PPFIA2: variants seen among roughly 807,000 people sequenced by gnomAD.
PPFIA2 encodes liprin-alpha-2.
In PPFIA2, 46 loss-of-function variants were observed where a neutral mutation model predicts 175.5. The observed-to-expected ratio is 0.26, with a 90% CI of 0.21 to 0.34. The LOEUF (loss-of-function observed/expected upper bound fraction) is 0.34. PPFIA2 is among the 10% of genes least tolerant of loss of function. The pLI is 1.00. For missense variants in PPFIA2, 1,179 were observed against 1,506.1 expected (o/e 0.78, Z 3.60); for synonymous variants, 568 against 511.4 (o/e 1.11, Z -1.49).
chr12:81,355,198 T>G (rs2060699127), intron 16 of PPFIA2, among the ~76,000 whole-genome samples: 1 of 152,202 alleles, frequency 6.6e-6, no homozygotes, highest in African/African-American at 2.4e-5. Flanking sequence ...TTTGAGCATC[T>G]CTGTCAGAGC....
intron 3 of PPFIA2, among the ~76,000 whole-genome samples, chr12:81,729,333 G>A (rs1343934): frequency 0.18 from 26,959 of 151,306 alleles, 2,900 homozygotes; most frequent in Middle Eastern, 0.31. Flanking sequence ...TCAAGAAATC[G>A]GGATTTATTT....
Position 81,598,163 on chromosome 12 carries a change from C to T in PPFIA2, c.303+78628G>A, listed in dbSNP as rs2059444931. The T allele has an allele frequency of 3.5e-6, 5 of 1,439,324 alleles. No homozygotes were observed. In the Admixed American group the frequency reaches 1.3e-4, roughly 38 times the overall value. 89.2% of individuals were successfully genotyped at this position (1,439,324 alleles called of 1,614,324 possible). A position where few individuals can be genotyped will look rare whatever the true frequency, so the allele number is the denominator to read the frequency against. ...AATGAAATCTGCCCCATCCTTCTTA[C>T]ATACACAGTGATAGCATTTTGAATT... On this transcript the variant is annotated intron_variant, in intron 4 of 32. Coordinates refer to ENST00000549396, the MANE Select transcript of PPFIA2 (RefSeq NM_003625.5).
At chr12:81,657,910 A>T (rs2068045248) in intron 4 of PPFIA2, among the ~76,000 whole-genome samples, 1 of 152,198 alleles carries the variant, frequency 6.6e-6, no homozygotes, top group Admixed American at 6.5e-5. Context: ...GATTATTTCC[A>T]TATAATGCAA....
chr12:81,414,325 T>C (rs1403063), intron 7 of PPFIA2, among the ~76,000 whole-genome samples: 24,307 of 151,590 alleles, frequency 0.16, 2,701 homozygotes, highest in East Asian at 0.42. Flanking sequence ...ATTTAGAAGA[T>C]GTCTTCAAAA....
chr12:81,535,450 G>A (rs1042742833), intron 4 of PPFIA2: 42 of 455,352 alleles, frequency 9.2e-5, no homozygotes, highest in East Asian at 6.3e-4. Context: ...AGGTCATGAT[G>A]CTCAATATCC....
intron 3 of PPFIA2, among the ~76,000 whole-genome samples, chr12:81,688,531 C>T (rs2153584025): frequency 6.6e-6 from 1 of 151,382 alleles, no homozygotes; most frequent in African/African-American, 2.4e-5. Context: ...AAATATAATA[C>T]CACATAATTT....
intron 4 of PPFIA2, among the ~76,000 whole-genome samples, chr12:81,659,658 A>G (rs2068451749): frequency 6.6e-6 from 1 of 152,136 alleles, no homozygotes. Flanking sequence ...AAGGCAGCAG[A>G]AACCTCTGCA....
intron 4 of PPFIA2, among the ~76,000 whole-genome samples, chr12:81,621,910 G>T (rs1397521308): frequency 1.3e-5 from 2 of 152,046 alleles, no homozygotes; most frequent in African/African-American, 4.8e-5. Flanking sequence ...ATATAAATTT[G>T]GGAATCCTCA....
Position 81,646,316 on chromosome 12 carries a change from C to T in PPFIA2, c.303+30475G>A, listed in dbSNP as rs191731537. Reference sequence around the variant, plus strand: ...GCTGTCTTGAAGGAGGGCTAGAAAACTTGATTGCACCCTAGACCCTCTAGA... The same window carrying T: ...GCTGTCTTGAAGGAGGGCTAGAAAATTTGATTGCACCCTAGACCCTCTAGA... On this transcript the variant is annotated intron_variant, in intron 4 of 32. Transcript: ENST00000549396. Among the ~76,000 whole-genome samples, 638 of 152,210 alleles carry T rather than the reference C, an allele frequency of 4.2e-3. 17 individuals carry two copies. The highest frequency in any genetic ancestry group is 0.038 in the Admixed American group (581 of 15,294).
intron 4 of PPFIA2, among the ~76,000 whole-genome samples, chr12:81,579,400 C>T (rs1414024829): frequency 6.6e-6 from 1 of 151,660 alleles, no homozygotes; most frequent in East Asian, 1.9e-4. Flanking sequence ...TCATTTTAAA[C>T]AGATTCTCAG....
At chr12:81,529,545 G>C (rs991750014) in intron 4 of PPFIA2, among the ~76,000 whole-genome samples, 1 of 136,682 alleles carries the variant, frequency 7.3e-6, no homozygotes, top group Non-Finnish European at 1.6e-5. Flanking sequence ...AAAGAGTGGC[G>C]GGGGGGCAGT....
At chr12:81,336,400 C>T (rs1050157111) in intron 21 of PPFIA2, among the ~76,000 whole-genome samples, 12 of 152,072 alleles carry the variant, frequency 7.9e-5, no homozygotes, top group African/African-American at 2.9e-4. Context: ...GAGTTTGATT[C>T]TTCATGGGTA....
chr12:81,644,518 T>C (rs2065790052), intron 4 of PPFIA2, among the ~76,000 whole-genome samples: 1 of 152,086 alleles, frequency 6.6e-6, no homozygotes, highest in African/African-American at 2.4e-5. Context: ...CAGACTTGTA[T>C]TGAGTCATAA....
chr12:81,613,288 T>G (rs1171439880), intron 4 of PPFIA2, among the ~76,000 whole-genome samples: 1 of 152,124 alleles, frequency 6.6e-6, no homozygotes, highest in African/African-American at 2.4e-5. Context: ...ACCATGACTT[T>G]TATAAACACA....
chr12:81,497,617 G>C (rs920394069), intron 4 of PPFIA2, among the ~76,000 whole-genome samples: 1 of 136,906 alleles, frequency 7.3e-6, no homozygotes, highest in African/African-American at 2.8e-5. Flanking sequence ...TCGGCTCACT[G>C]CCACTGCAGC....
In PPFIA2 at chr12:81,331,967, G is replaced by A. The variant is rs79826690; in HGVS notation, c.2549-6097C>T. Among the ~76,000 whole-genome samples, 231 of 152,214 alleles carry A rather than the reference G, an allele frequency of 1.5e-3. 3 individuals are homozygous for A. The East Asian group carries it at 0.028, about 18-fold the overall frequency. ...GACTCAAAAGAGTTGGTGTTTCTCAGGTGGCAAACAAATCAGTATGTTAAG... is the reference window on the plus strand; with the variant it reads ...GACTCAAAAGAGTTGGTGTTTCTCAAGTGGCAAACAAATCAGTATGTTAAG... On this transcript the variant is annotated intron_variant, in intron 21 of 32. Coordinates refer to ENST00000549396, the MANE Select transcript of PPFIA2 (RefSeq NM_003625.5).
chr12:81,322,869 C>A (rs990508744), intron 22 of PPFIA2, among the ~76,000 whole-genome samples: 19 of 151,828 alleles, frequency 1.3e-4, no homozygotes, highest in African/African-American at 4.6e-4. Flanking sequence ...CATAATAAGA[C>A]AATAGAGAGA....
chr12:81,273,356 T>C (rs750510937), intron 28 of PPFIA2, among the ~76,000 whole-genome samples: 9 of 152,168 alleles, frequency 5.9e-5, no homozygotes, highest in Admixed American at 4.6e-4. Flanking sequence ...CTCTGTTAGA[T>C]AGAGGAAAAA....
At chr12:81,706,762 T>A (rs2077203784) in intron 3 of PPFIA2, among the ~76,000 whole-genome samples, 1 of 152,174 alleles carries the variant, frequency 6.6e-6, no homozygotes, top group South Asian at 2.1e-4. Flanking sequence ...GCATCCTGAC[T>A]TCAAACTATA....
Sources: allele counts gnomAD v4.1 joint callset (sites outside exome capture counted in the v4.1 genomes callset), GRCh38; gene constraint gnomAD v4.1.1; transcripts MANE v1.5; gene names NCBI Gene and HGNC (gene_info 2026-07-23, HGNC 2026-07-21).